SMKR1: variants seen among roughly 807,000 people sequenced by gnomAD.
SMKR1 encodes small lysine-rich protein 1.
SMKR1 carries 4 observed loss-of-function variants against 4.0 expected under a neutral mutation model. The observed-to-expected ratio is 1.00, with a 90% CI of 0.49 to 2.30. The LOEUF (loss-of-function observed/expected upper bound fraction) is 2.30, where lower values mean the gene tolerates loss of function less well. Ranked by LOEUF, SMKR1 falls within the 30% of genes most tolerant of loss-of-function variation. SMKR1 has a pLI of 0.02. For synonymous variants in SMKR1, 38 were observed against 32.5 expected (o/e 1.17, Z -0.58); for missense variants, 56 against 81.8 (o/e 0.68, Z 1.22).
chr7:129,506,333 T>G (rs1799464916), intron 1 of SMKR1, among the ~76,000 whole-genome samples: 1 of 152,080 alleles, frequency 6.6e-6, no homozygotes, highest in Non-Finnish European at 1.5e-5. Context: ...TCCCAGTTAC[T>G]CAGGAGGCTG....
At chr7:129,506,510 A>G (rs1305711003) in intron 1 of SMKR1, among the ~76,000 whole-genome samples, 2 of 152,144 alleles carry the variant, frequency 1.3e-5, no homozygotes, top group African/African-American at 4.8e-5. Flanking sequence ...TTAAGCCATC[A>G]CCACAATCAA....
chr7:129,510,050 G>A (rs1799510777), intron 1 of SMKR1, among the ~76,000 whole-genome samples: 1 of 152,108 alleles, frequency 6.6e-6, no homozygotes, highest in Non-Finnish European at 1.5e-5. Flanking sequence ...GTATGTGTGG[G>A]TCAGAGGACA....
At chr7:129,510,969 C>T (rs2151028623) in intron 1 of SMKR1, among the ~76,000 whole-genome samples, 1 of 152,198 alleles carries the variant, frequency 6.6e-6, no homozygotes, top group East Asian at 1.9e-4. Context: ...CCACCATGCC[C>T]AGCTAGTTTT....
intron 1 of SMKR1, among the ~76,000 whole-genome samples, chr7:129,509,564 C>T (rs1051760984): frequency 3.3e-5 from 5 of 151,156 alleles, no homozygotes; most frequent in East Asian, 1.9e-4. Context: ...TTTTTTTAGA[C>T]GGAGTCTCAC....
chr7:129,510,816 G>A (rs1308172686), intron 1 of SMKR1, among the ~76,000 whole-genome samples: 1 of 151,298 alleles, frequency 6.6e-6, no homozygotes. Context: ...TTTTTTGCGG[G>A]GAGGCGGGGG....
intron 1 of SMKR1, among the ~76,000 whole-genome samples, chr7:129,507,725 T>C (rs1799484550): frequency 6.6e-6 from 1 of 152,202 alleles, no homozygotes; most frequent in African/African-American, 2.4e-5. Context: ...TTCCAAAATA[T>C]ATGTGGTGGT....
intron 1 of SMKR1, among the ~76,000 whole-genome samples, chr7:129,506,610 G>T (rs1799467626): frequency 1.3e-5 from 2 of 150,500 alleles, no homozygotes; most frequent in Non-Finnish European, 1.5e-5. Flanking sequence ...AACCCTCCCA[G>T]GCAATGGCTG....
intron 1 of SMKR1, among the ~76,000 whole-genome samples, chr7:129,505,447 A>C (rs904455355): frequency 6.6e-6 from 1 of 151,332 alleles, no homozygotes; most frequent in Non-Finnish European, 1.5e-5. Flanking sequence ...GAATATAGAC[A>C]TGGTGTCAGG....
chr7:129,506,867 T>TC (rs1554390057), intron 1 of SMKR1, among the ~76,000 whole-genome samples: 5 of 149,262 alleles, frequency 3.3e-5, no homozygotes, highest in Admixed American at 2.7e-4. Flanking sequence ...TTCTTTTCTT[T>TC]TTTTTTTTTT....
chr7:129,502,724 G>T lies in SMKR1; in HGVS notation c.-101G>T. ...GAGGAGGGCCGAGAAGGGGCCGGGG[G>T]TGCTAGGGGAACGGGCGCTGGGGGC... On this transcript the variant is annotated 5_prime_UTR_variant, in exon 1 of 2. Transcript: ENST00000462322. 2 of 1,513,958 alleles carry T rather than the reference G, an allele frequency of 1.3e-6. No individual in the cohort carries two copies. Among genetic ancestry groups the T allele is most frequent in the Non-Finnish European group, 1.8e-6 (2 of 1,128,614 alleles). 93.8% of individuals were successfully genotyped at this position (1,513,958 alleles called of 1,614,324 possible).
chr7:129,503,406 A>C (rs1414153228), intron 1 of SMKR1, among the ~76,000 whole-genome samples: 2 of 152,320 alleles, frequency 1.3e-5, no homozygotes, highest in South Asian at 4.1e-4. Context: ...TAAGTACTGC[A>C]CGCTTGAGCT....
intron 1 of SMKR1, among the ~76,000 whole-genome samples, chr7:129,503,553 G>GCGCC (rs1318809543): frequency 6.6e-6 from 1 of 152,192 alleles, no homozygotes; most frequent in African/African-American, 2.4e-5. Flanking sequence ...GAAGCCCCTT[G>GCGCC]CGCCTTCCCT....
intron 1 of SMKR1, among the ~76,000 whole-genome samples, chr7:129,507,538 T>A (rs1293361608): frequency 6.6e-6 from 1 of 152,226 alleles, no homozygotes; most frequent in Admixed American, 6.5e-5. Flanking sequence ...ATTTCCACCT[T>A]AGGAGTGGAA....
chr7:129,505,528 G>C lies in SMKR1; in HGVS notation c.3+2701G>C, dbSNP rs368933664. ...AGTTTCACTCTTGTCGCCCAGGCTG[G>C]AGTGCAATGGCGCGATCTCGGTTCA... On this transcript the variant is annotated intron_variant, in intron 1 of 1. Transcript: ENST00000462322. Among the ~76,000 whole-genome samples the C allele has an allele frequency of 4.0e-5, 6 of 151,588 alleles. No homozygotes were observed. The East Asian group carries it at 7.7e-4, about 20-fold the overall frequency.
chr7:129,510,704 G>A (rs1185231989), intron 1 of SMKR1, among the ~76,000 whole-genome samples: 1 of 152,212 alleles, frequency 6.6e-6, no homozygotes, highest in African/African-American at 2.4e-5. Flanking sequence ...CTCCAGCCTG[G>A]GTGACACAGC....
chr7:129,509,772 C>T lies in SMKR1; in HGVS notation c.4-2475C>T, dbSNP rs569617236. Among the ~76,000 whole-genome samples the T allele has an allele frequency of 2.0e-5, 3 of 152,302 alleles. No individual in the cohort carries two copies. The East Asian group carries it at 5.8e-4, about 29-fold the overall frequency. ...GCCAGGCTGATCTCGAACTCCTGAC[C>T]TTGTGATCTGCCCGCCTCAGCCTCC... On this transcript the variant is annotated intron_variant, in intron 1 of 1. Transcript: ENST00000462322.
chr7:129,504,699 G>T (rs535210893), intron 1 of SMKR1, among the ~76,000 whole-genome samples: 1 of 152,278 alleles, frequency 6.6e-6, no homozygotes, highest in East Asian at 1.9e-4. Flanking sequence ...GACTACAGGT[G>T]TGTGCCACTG....
chr7:129,512,131 C>G, intron 1 of SMKR1, 116 bp from the exon 2 acceptor site: 1 of 1,039,560 alleles, frequency 9.6e-7, no homozygotes, highest in Non-Finnish European at 1.3e-6. Flanking sequence ...TTGTAGTGAG[C>G]CAAGAGCATG....
rs34092113 is a variant in SMKR1, at chr7:129,504,556, GTTTTT to G, written c.3+1738_3+1742del. On this transcript the variant is annotated intron_variant, in intron 1 of 1. Transcript: ENST00000462322. Reference sequence around the variant, plus strand: ...TTTCTTTATTAATTTCTTTGTTTTTGTTTTTTTTTTTTTAGAGATAGGGTTTTGCT... The same window carrying G: ...TTTCTTTATTAATTTCTTTGTTTTTGTTTTTTTTAGAGATAGGGTTTTGCT... 5.3e-4 allele frequency among the ~76,000 whole-genome samples: 79 copies of G among 150,462 alleles called. No homozygotes were observed. In the East Asian group the frequency reaches 0.013, roughly 26 times the overall value.
Sources: allele counts gnomAD v4.1 joint callset (sites outside exome capture counted in the v4.1 genomes callset), GRCh38; gene constraint gnomAD v4.1.1; transcripts MANE v1.5; gene names NCBI Gene and HGNC (gene_info 2026-07-23, HGNC 2026-07-21).